The following ANKRD30B variants were observed in gnomAD, a reference collection of about 807,000 sequenced individuals.
ANKRD30B encodes ankyrin repeat domain 30B, also known as ankyrin repeat domain-containing protein 30B.
Under a neutral mutation model 202.2 loss-of-function variants are expected in ANKRD30B, and 144 were observed. That is an observed-to-expected ratio of 0.71 (90% CI 0.62 to 0.82). The LOEUF (loss-of-function observed/expected upper bound fraction) is 0.82, where lower values mean the gene tolerates loss of function less well. Among genes scored for constraint, ANKRD30B ranks in the 40% least tolerant of loss-of-function variants. The pLI, the probability that ANKRD30B is intolerant of heterozygous loss-of-function variation, is 0.00. For synonymous variants in ANKRD30B, 508 were observed against 561.3 expected (o/e 0.91, Z 1.34); for missense variants, 1,487 against 1,669.1 (o/e 0.89, Z 1.90).
the ANKRD30B span, among the ~76,000 whole-genome samples, chr18:14,908,709 C>T: frequency 6.6e-6 from 1 of 152,188 alleles, no homozygotes; most frequent in Non-Finnish European, 1.5e-5. Context: ...TGTTCTGATG[C>T]TGCCTGGCTG....
the ANKRD30B span, among the ~76,000 whole-genome samples, chr18:14,894,062 C>T: frequency 6.6e-6 from 1 of 152,246 alleles, no homozygotes; most frequent in East Asian, 1.9e-4. Context: ...ATATTGTCAA[C>T]AATAGCATAA....
chr18:14,755,645 C>T (rs995015879), intron 4 of ANKRD30B, among the ~76,000 whole-genome samples: 1 of 152,014 alleles, frequency 6.6e-6, no homozygotes, highest in African/African-American at 2.4e-5. Context: ...TGAGTGAGAA[C>T]ATGTGGTGTT....
chr18:14,850,741 T>G (rs1392673908), intron 41 of ANKRD30B, among the ~76,000 whole-genome samples: 2 of 151,856 alleles, frequency 1.3e-5, no homozygotes, highest in Non-Finnish European at 3.0e-5. Context: ...TCGTAGTAAA[T>G]AAGCTCATGG....
chr18:14,843,769 A>G (rs1279331395), intron 39 of ANKRD30B, among the ~76,000 whole-genome samples: 2 of 152,258 alleles, frequency 1.3e-5, no homozygotes, highest in Admixed American at 1.3e-4. Context: ...ACTCCAGCCT[A>G]GGGGACAGAG....
chr18:14,839,501 T>C (rs2143165075), intron 36 of ANKRD30B, among the ~76,000 whole-genome samples: 1 of 152,312 alleles, frequency 6.6e-6, no homozygotes, highest in South Asian at 2.1e-4. Flanking sequence ...GTCATCGTCA[T>C]CCTCATTTTT....
At chr18:14,783,102 G>A (rs539310826) in intron 12 of ANKRD30B, among the ~76,000 whole-genome samples, 153 of 152,172 alleles carry the variant, frequency 1.0e-3, no homozygotes, top group African/African-American at 3.5e-3. Flanking sequence ...TCACTACTGG[G>A]GAGGCATTAG....
chr18:14,793,495 A>C (rs572477685), intron 16 of ANKRD30B, among the ~76,000 whole-genome samples: 2 of 151,736 alleles, frequency 1.3e-5, no homozygotes, highest in East Asian at 3.9e-4. Flanking sequence ...ACATATTGGC[A>C]TTAACATTTT....
At chr18:14,939,655 C>T in the ANKRD30B span, among the ~76,000 whole-genome samples, 1 of 152,212 alleles carries the variant, frequency 6.6e-6, no homozygotes. Context: ...CAGGAAGTCC[C>T]ACTGTAAATG....
intron 20 of ANKRD30B, among the ~76,000 whole-genome samples, chr18:14,798,383 G>C (rs890640743): frequency 7.2e-5 from 11 of 152,080 alleles, no homozygotes; most frequent in Non-Finnish European, 5.9e-5. Flanking sequence ...TTACAATATA[G>C]TGTGTGCATC....
chr18:14,792,996 A>G (rs1472755108), intron 16 of ANKRD30B, among the ~76,000 whole-genome samples: 2 of 152,166 alleles, frequency 1.3e-5, no homozygotes, highest in African/African-American at 4.8e-5. Flanking sequence ...TTTTGTTAAT[A>G]TTTAATGTCT....
intron 21 of ANKRD30B, 41 bp from the exon 22 acceptor site, chr18:14,799,182 A>G (rs1287725551): frequency 9.5e-6 from 15 of 1,586,994 alleles, no homozygotes; most frequent in Admixed American, 1.7e-5. Flanking sequence ...TTTATGAAGT[A>G]TACATTATAT....
chr18:14,785,954 C>T (rs1379270024), intron 14 of ANKRD30B, among the ~76,000 whole-genome samples: 5 of 141,442 alleles, frequency 3.5e-5, no homozygotes, highest in African/African-American at 1.0e-4. Context: ...AGGAGAATGG[C>T]GTGAACCCAG....
At chr18:14,901,446 T>A in the ANKRD30B span, among the ~76,000 whole-genome samples, 1 of 152,172 alleles carries the variant, frequency 6.6e-6, no homozygotes, top group Admixed American at 6.5e-5. Flanking sequence ...AGAACAAAAT[T>A]AATTACATGA....
intron 30 of ANKRD30B, among the ~76,000 whole-genome samples, chr18:14,817,559 T>C (rs1255194012): frequency 2.0e-5 from 3 of 152,176 alleles, no homozygotes; most frequent in African/African-American, 7.2e-5. Flanking sequence ...TCTCTGCATG[T>C]TTTGCTTTTT....
intron 6 of ANKRD30B, among the ~76,000 whole-genome samples, chr18:14,760,829 A>G (rs1032621023): frequency 7.2e-5 from 11 of 152,146 alleles, no homozygotes; most frequent in Admixed American, 2.0e-4. Flanking sequence ...ATTTAGGTGT[A>G]GGTAGTTTAT....
the ANKRD30B span, among the ~76,000 whole-genome samples, chr18:14,865,866 G>A: frequency 2.4e-4 from 36 of 152,134 alleles, no homozygotes; most frequent in East Asian, 5.8e-4. Flanking sequence ...AGAGCAGCTC[G>A]GTGAGCAGAT....
At chr18:14,849,066 T>A in intron 40 of ANKRD30B, 137 bp downstream of exon 40, 1 of 1,063,170 alleles carries the variant, frequency 9.4e-7, no homozygotes, top group Non-Finnish European at 1.2e-6. Context: ...CAAATTCTTT[T>A]AAATAATAAA....
At chr18:14,870,080 C>T in the ANKRD30B span, among the ~76,000 whole-genome samples, 1 of 152,216 alleles carries the variant, frequency 6.6e-6, no homozygotes, top group African/African-American at 2.4e-5. Flanking sequence ...AGGTGATCCA[C>T]CTGCCTCGGC....
chr18:14,876,181 G>T, the ANKRD30B span, among the ~76,000 whole-genome samples: 10 of 149,798 alleles, frequency 6.7e-5, no homozygotes, highest in Non-Finnish European at 1.3e-4. Flanking sequence ...AAAAAGCACC[G>T]GGCTTGGGGT....
Sources: allele counts gnomAD v4.1 joint callset (sites outside exome capture counted in the v4.1 genomes callset), GRCh38; gene constraint gnomAD v4.1.1; transcripts MANE v1.5; gene names NCBI Gene and HGNC (gene_info 2026-07-23, HGNC 2026-07-21).